ERP44: variants seen among roughly 807,000 people sequenced by gnomAD.
ERP44 encodes the protein endoplasmic reticulum resident protein 44.
A neutral mutation model predicts 53.4 loss-of-function variants in ERP44; 25 were observed. The ratio of observed to expected loss-of-function variants is 0.47; its 90% CI spans 0.34 to 0.65. The LOEUF is 0.65. Ranked by LOEUF, ERP44 falls within the 30% of genes least tolerant of loss-of-function variation. The probability of loss-of-function intolerance (pLI) is 0.01; values close to 1 mark genes in which losing one functional copy is unlikely to be tolerated. For synonymous variants in ERP44, 145 were observed against 161.2 expected (o/e 0.90, Z 0.76); for missense variants, 338 against 493.2 (o/e 0.69, Z 2.98).
chr9:100,079,412 T>TCACA (rs1826395598), intron 1 of ERP44, among the ~76,000 whole-genome samples: 1 of 78,870 alleles, frequency 1.3e-5, no homozygotes, highest in Non-Finnish European at 2.5e-5. Context: ...AAACTCCCCT[T>TCACA]TACACACACA....
intron 1 of ERP44, among the ~76,000 whole-genome samples, 172 bp downstream of exon 1, chr9:100,098,612 G>T (rs1826690748): frequency 6.6e-6 from 1 of 152,224 alleles, no homozygotes; most frequent in Non-Finnish European, 1.5e-5. Context: ...AGGCCTCGGG[G>T]ACTCCGCGCC....
intron 10 of ERP44, among the ~76,000 whole-genome samples, chr9:99,988,436 C>G (rs538540921): frequency 4.6e-5 from 7 of 152,266 alleles, no homozygotes; most frequent in African/African-American, 1.7e-4. Context: ...GTTAATTTTT[C>G]ATAGAAGGAA....
At chr9:100,051,740 A>C (rs1413946683) in intron 4 of ERP44, among the ~76,000 whole-genome samples, 1 of 152,212 alleles carries the variant, frequency 6.6e-6, no homozygotes, top group Non-Finnish European at 1.5e-5. Flanking sequence ...ACACAGGAGG[A>C]AACACCACTA....
At chr9:99,985,460 T>G (rs553320782) in intron 10 of ERP44, among the ~76,000 whole-genome samples, 1 of 152,084 alleles carries the variant, frequency 6.6e-6, no homozygotes, top group Admixed American at 6.6e-5. Flanking sequence ...AAGGGAAAAA[T>G]AGTTAGGGGC....
intron 1 of ERP44, among the ~76,000 whole-genome samples, chr9:100,094,745 T>C (rs556749478): frequency 3.9e-5 from 6 of 152,090 alleles, no homozygotes; most frequent in East Asian, 3.9e-4. Flanking sequence ...GGCAGATCAG[T>C]TGAGCCAGGA....
intron 4 of ERP44, among the ~76,000 whole-genome samples, chr9:100,040,743 T>C (rs1179828620): frequency 6.6e-6 from 1 of 152,174 alleles, no homozygotes; most frequent in Non-Finnish European, 1.5e-5. Flanking sequence ...AATAATATGA[T>C]CTTATATTTT....
At chr9:100,062,754 A>T (rs1308557734) in intron 1 of ERP44, among the ~76,000 whole-genome samples, 1 of 152,146 alleles carries the variant, frequency 6.6e-6, no homozygotes, top group Non-Finnish European at 1.5e-5. Flanking sequence ...TGTAGAGAGA[A>T]TATATGTTTA....
chr9:99,982,708 G>A lies in ERP44; in HGVS notation c.1125C>T (p.Ala375=). Residue 375 remains alanine, a synonymous_variant, in exon 12 of 12, where the codon GCC becomes GCT. Transcript: ENST00000262455. ...DPTDTAPGEQ[A]QDVASSPPES... is the part of the protein sequence containing the mutation. Reference sequence around the variant, plus strand: ...CAGGTGGACTGCTTGCTACATCTTGGGCTTGCTACAAAAGAAAGAATAAAA... The same window carrying A: ...CAGGTGGACTGCTTGCTACATCTTGAGCTTGCTACAAAAGAAAGAATAAAA... 8.1e-6 allele frequency: 13 copies of A among 1,595,112 alleles called. No individual in the cohort carries two copies. The highest frequency in any genetic ancestry group is 8.5e-6 in the Non-Finnish European group (10 of 1,173,262).
At chr9:100,016,779 T>C (rs1477125403) in intron 7 of ERP44, among the ~76,000 whole-genome samples, 3 of 152,298 alleles carry the variant, frequency 2.0e-5, no homozygotes, top group East Asian at 1.9e-4. Context: ...AAAAGAAACA[T>C]AGATCATGGA....
At chr9:100,056,167 G>A (rs779127736) in intron 3 of ERP44, among the ~76,000 whole-genome samples, 4 of 152,120 alleles carry the variant, frequency 2.6e-5, no homozygotes, top group Non-Finnish European at 4.4e-5. Flanking sequence ...ATCTAGTTGG[G>A]TAACCTTGGG....
chr9:100,010,606 G>A (rs1395733010), intron 8 of ERP44, among the ~76,000 whole-genome samples: 1 of 152,014 alleles, frequency 6.6e-6, no homozygotes, highest in Admixed American at 6.6e-5. Context: ...ACAGAAGTAA[G>A]AAAACCAGGG....
At chr9:100,059,841 G>T (rs1224838282) in intron 2 of ERP44, among the ~76,000 whole-genome samples, 1 of 152,162 alleles carries the variant, frequency 6.6e-6, no homozygotes, top group Non-Finnish European at 1.5e-5. Context: ...TGCACAGTGA[G>T]AACTATTGGT....
rs1826139436 is a variant in ERP44, at chr9:100,060,967, GAATGA to G, written c.58-800_58-796del. Among the ~76,000 whole-genome samples the G allele has an allele frequency of 2.6e-5, 4 of 152,194 alleles. No individual in the cohort carries two copies. In the East Asian group the frequency reaches 5.8e-4, roughly 22 times the overall value. On this transcript the variant is annotated intron_variant, in intron 1 of 11. Transcript: ENST00000262455. The stretch of plus-strand genomic sequence containing the variant: ...ACTTACTAAATCATTGCTTTTTACT[GAATGA>G]CAACTAATGTCAGGCTCTGATCAAA...
chr9:100,037,910 C>T (rs571952525), intron 4 of ERP44, among the ~76,000 whole-genome samples: 63 of 152,206 alleles, frequency 4.1e-4, no homozygotes, highest in Middle Eastern at 3.4e-3. Context: ...GGAAACCTTA[C>T]GTGCCAGAAG....
chr9:99,997,610 C>T (rs1830326669), intron 10 of ERP44, among the ~76,000 whole-genome samples: 2 of 152,130 alleles, frequency 1.3e-5, no homozygotes, highest in South Asian at 4.1e-4. Context: ...AACAAAATTT[C>T]TGTTATTTGG....
chr9:100,012,652 CA>C (rs1830487498), intron 8 of ERP44, among the ~76,000 whole-genome samples: 1 of 152,098 alleles, frequency 6.6e-6, no homozygotes, highest in African/African-American at 2.4e-5. Context: ...ACCATGCTGA[CA>C]TAAAAATACT....
intron 4 of ERP44, among the ~76,000 whole-genome samples, chr9:100,044,104 T>C (rs1825942108): frequency 6.6e-6 from 1 of 152,340 alleles, no homozygotes; most frequent in Admixed American, 6.5e-5. Flanking sequence ...CGATCAATGA[T>C]GAGTTAGACT....
At chr9:100,041,848 C>T (rs1374335295) in intron 4 of ERP44, among the ~76,000 whole-genome samples, 1 of 152,122 alleles carries the variant, frequency 6.6e-6, no homozygotes, top group Non-Finnish European at 1.5e-5. Context: ...AACTGGATAT[C>T]CATATGCAGA....
At chr9:100,006,361 AG>A (rs1830425356) in intron 10 of ERP44, 144 bp downstream of exon 10, 1 of 606,756 alleles carries the variant, frequency 1.6e-6, no homozygotes. Flanking sequence ...AGTGAAAAAA[AG>A]CAGCAGTCAC....
Sources: gnomAD v4.1 joint callset for allele counts (sites outside exome capture counted in the v4.1 genomes callset) on GRCh38, gnomAD v4.1.1 for gene constraint, MANE v1.5 for transcripts, NCBI Gene and HGNC (gene_info 2026-07-23, HGNC 2026-07-21) for gene names.